The following IL3RA variants were observed in gnomAD, a reference collection of about 807,000 sequenced individuals.
The protein encoded by IL3RA is interleukin 3 receptor subunit alpha.
In IL3RA, 73 loss-of-function variants were observed where a neutral mutation model predicts 52.3. The observed-to-expected ratio is 1.40, with a 90% confidence interval of 1.16 to 1.70. IL3RA has a LOEUF of 1.70. IL3RA is among the 40% of genes most tolerant of loss of function. The pLI is 0.00. For missense variants in IL3RA, 664 were observed against 504.4 expected (o/e 1.32, Z -3.03); for synonymous variants, 260 against 194.0 (o/e 1.34, Z -2.83).
intron 6 of IL3RA, among the ~76,000 whole-genome samples, chrX:1,353,034 C>A (rs1309698195): frequency 6.9e-6 from 1 of 145,526 alleles, no homozygotes; most frequent in Non-Finnish European, 1.5e-5. Context: ...ATCATGGATT[C>A]CATCATGGGT....
At chrX:1,342,503 G>A (rs1256548313) in intron 2 of IL3RA, among the ~76,000 whole-genome samples, 1 of 147,932 alleles carries the variant, frequency 6.8e-6, no homozygotes, top group Admixed American at 6.8e-5. Context: ...TTACTGCAGG[G>A]TTTCACTTTA....
intron 11 of IL3RA, among the ~76,000 whole-genome samples, chrX:1,381,515 C>T (rs1277834399): frequency 1.3e-5 from 2 of 151,984 alleles, no homozygotes; most frequent in Admixed American, 6.6e-5. Flanking sequence ...CGTCTCCGCA[C>T]CCTGCACACC....
At chrX:1,381,183 G>C (rs2089162733) in intron 11 of IL3RA, 79 bp downstream of exon 11, 1 of 1,279,466 alleles carries the variant, frequency 7.8e-7, no homozygotes, top group East Asian at 2.3e-5. Flanking sequence ...CGGACCACTT[G>C]AGGCCAGGAA....
chrX:1,353,845 C>A (rs1273113502), intron 6 of IL3RA, among the ~76,000 whole-genome samples: 21 of 147,308 alleles, frequency 1.4e-4, no homozygotes, highest in Non-Finnish European at 2.4e-4. Context: ...CATGGGAACC[C>A]CCATCATGGG....
intron 4 of IL3RA, 91 bp downstream of exon 4, chrX:1,348,636 TTCTTTTTCTC>T (rs1256147902): frequency 3.0e-5 from 23 of 764,796 alleles, no homozygotes; most frequent in African/African-American, 3.0e-4. Context: ...CTTTTTTCTT[TTCTTTTTCTC>T]TTTCTTTCTT....
At position 1,347,994 on chromosome X, in the gene IL3RA, G is replaced by A. The variant is rs753247669; in HGVS notation, c.184-437G>A. 4.8e-3 allele frequency among the ~76,000 whole-genome samples: 673 copies of A among 141,332 alleles called. 2 individuals are homozygous for A. The highest frequency in any genetic ancestry group is 8.1e-3 in the Middle Eastern group (2 of 246). 92.7% of individuals were successfully genotyped at this position (141,332 alleles called of 152,430 possible). On this transcript the variant is annotated intron_variant, in intron 3 of 11. Coordinates refer to ENST00000331035, the MANE Select transcript of IL3RA (RefSeq NM_002183.4). ...AGAGGCTACAGTGAGCCGAGATCGCGCCCCTGCACTCCAGCCTGGGCGACA... is the reference window on the plus strand; with the variant it reads ...AGAGGCTACAGTGAGCCGAGATCGCACCCCTGCACTCCAGCCTGGGCGACA...
At chrX:1,356,376 G>T in intron 7 of IL3RA, 40 bp downstream of exon 7, 1 of 1,318,802 alleles carries the variant, frequency 7.6e-7, no homozygotes, top group Non-Finnish European at 1.1e-6. Context: ...CACCCCCGTG[G>T]ACATCCCTTA....
At position 1,352,457 on chromosome X, in the gene IL3RA, A is replaced by T. The variant is rs1365564539; in HGVS notation, c.567A>T (p.Ala189=). The T allele has an allele frequency of 6.2e-7, 1 of 1,613,716 alleles. No homozygotes were observed. Among genetic ancestry groups the T allele is most frequent in the Non-Finnish European group, 8.5e-7 (1 of 1,179,864 alleles). Reference sequence around the variant, plus strand: ...ACATCCTGGTGCGGGGCAGGAGCGCAGCCTTCGGTATCCCCTGCACAGATA... The same window carrying T: ...ACATCCTGGTGCGGGGCAGGAGCGCTGCCTTCGGTATCCCCTGCACAGATA... ...SSHILVRGRS[A]AFGIPCTDKF... Residue 189 remains alanine (A), a synonymous_variant, in exon 6 of 12, where the codon GCA becomes GCT. Coordinates refer to ENST00000331035, the MANE Select transcript of IL3RA (RefSeq NM_002183.4).
At chrX:1,360,430 CTCTCTT>C (rs1443292358) in intron 8 of IL3RA, among the ~76,000 whole-genome samples, 7 of 139,968 alleles carry the variant, frequency 5.0e-5, no homozygotes, top group Non-Finnish European at 1.1e-4. Flanking sequence ...TTCATTCTCC[CTCTCTT>C]TCTCTATCTC....
At chrX:1,360,881 GTC>G (rs1402901800) in intron 8 of IL3RA, among the ~76,000 whole-genome samples, 1 of 115,592 alleles carries the variant, frequency 8.7e-6, no homozygotes, top group Non-Finnish European at 1.7e-5. Flanking sequence ...TCCCCTCTCT[GTC>G]TCTCTCTCCC....
Position 1,356,261 on chromosome X carries a change from G to C in IL3RA, c.657G>C (p.Lys219Asn). 6.2e-7 allele frequency: 1 copy of C among 1,613,602 alleles called. No individual in the cohort carries two copies. Among genetic ancestry groups the C allele is most frequent in the Non-Finnish European group, 8.5e-7 (1 of 1,179,666 alleles). ...TPPNMTAKCN[K>N]THSFMHWKMR... ...CCAACATGACTGCAAAGTGTAATAA[G>C]ACACATTCCTTTATGCACTGGAAAA... Residue 219 changes from lysine to asparagine, a missense_variant, in exon 7 of 12, where the codon AAG (lysine) becomes AAC (asparagine). Physicochemically the swap from Lys to Asn is moderately conservative, Grantham distance 94. Transcript: ENST00000331035.
chrX:1,381,209 G>C (rs1203949657), intron 11 of IL3RA, 105 bp downstream of exon 11: 4 of 958,930 alleles, frequency 4.2e-6, no homozygotes. Context: ...GACCAGCCTG[G>C]CCAACATGGA....
At chrX:1,342,473 T>C (rs2085530496) in intron 2 of IL3RA, among the ~76,000 whole-genome samples, 1 of 151,708 alleles carries the variant, frequency 6.6e-6, no homozygotes, top group South Asian at 2.1e-4. Context: ...GCCTTTTTTT[T>C]CATTGGTTTT....
chrX:1,347,556 T>C (rs1423484839), intron 3 of IL3RA, among the ~76,000 whole-genome samples: 1 of 146,632 alleles, frequency 6.8e-6, no homozygotes, highest in Non-Finnish European at 1.5e-5. Context: ...GAGGTGGAGG[T>C]TGCAGTGAGC....
At chrX:1,368,283 C>T (rs771289481) in intron 9 of IL3RA, among the ~76,000 whole-genome samples, 21 of 152,008 alleles carry the variant, frequency 1.4e-4, no homozygotes, top group African/African-American at 4.3e-4. Flanking sequence ...ACAAAAGGAT[C>T]GCCTCAGAGT....
chrX:1,344,639 G>T (rs2085647550), intron 2 of IL3RA, among the ~76,000 whole-genome samples: 1 of 150,396 alleles, frequency 6.6e-6, no homozygotes, highest in Non-Finnish European at 1.5e-5. Context: ...CGGGCGTGGT[G>T]GTGGGCTCCT....
intron 2 of IL3RA, among the ~76,000 whole-genome samples, chrX:1,343,493 C>A (rs1246623673): frequency 6.7e-4 from 94 of 139,980 alleles, no homozygotes; most frequent in African/African-American, 2.5e-3. Flanking sequence ...GGTGAAACCC[C>A]GTCTGTACTA....
chrX:1,348,129 A>C (rs1241481125), intron 3 of IL3RA, among the ~76,000 whole-genome samples: 6 of 150,792 alleles, frequency 4.0e-5, no homozygotes, highest in Non-Finnish European at 7.4e-5. Context: ...GGCGGATCAC[A>C]TGAGGTCAGG....
intron 1 of IL3RA, among the ~76,000 whole-genome samples, chrX:1,341,073 C>T (rs781410283): frequency 3.7e-4 from 56 of 150,782 alleles, no homozygotes; most frequent in African/African-American, 1.0e-3. Context: ...GCCCAGATCA[C>T]GCCATTGCAC....
Sources: allele counts gnomAD v4.1 joint callset (sites outside exome capture counted in the v4.1 genomes callset), GRCh38; gene constraint gnomAD v4.1.1; transcripts MANE v1.5; gene names NCBI Gene and HGNC (gene_info 2026-07-23, HGNC 2026-07-21).